Variants in GPC6 observed in about 807,000 individuals in gnomAD.
GPC6 encodes glypican 6.
A neutral mutation model predicts 55.2 loss-of-function variants in GPC6; 14 were observed. The ratio of observed to expected loss-of-function variants is 0.25; its 90% CI spans 0.17 to 0.40. The LOEUF is 0.40. Among genes scored for constraint, GPC6 ranks in the 10% least tolerant of loss-of-function variants. The probability of loss-of-function intolerance (pLI) is 1.00; values close to 1 mark genes in which losing one functional copy is unlikely to be tolerated. For missense variants in GPC6, 641 were observed against 708.5 expected, an observed-to-expected ratio of 0.90 and a Z score of 1.08; for synonymous variants, 278 against 259.6, an observed-to-expected ratio of 1.07 and a Z score of -0.68.
At chr13:94,213,081 G>A (rs547189822) in intron 4 of GPC6, among the ~76,000 whole-genome samples, 4 of 152,214 alleles carry the variant, frequency 2.6e-5, no homozygotes, top group Non-Finnish European at 4.4e-5. Context: ...ACTTGAACCC[G>A]GGAGGCAGAG....
chr13:93,234,230 G>A (rs1876156043), intron 1 of GPC6, among the ~76,000 whole-genome samples: 2 of 152,046 alleles, frequency 1.3e-5, no homozygotes, highest in Admixed American at 6.5e-5. Flanking sequence ...TTTGGGTGGT[G>A]GCCCGTTTGT....
intron 4 of GPC6, among the ~76,000 whole-genome samples, chr13:94,220,261 G>A (rs878916296): frequency 6.6e-5 from 10 of 152,022 alleles, no homozygotes; most frequent in African/African-American, 2.2e-4. Context: ...TCTCACATAC[G>A]TTCCAAGTCC....
intron 4 of GPC6, among the ~76,000 whole-genome samples, chr13:94,226,331 G>C (rs1025230386): frequency 6.6e-6 from 1 of 152,142 alleles, no homozygotes; most frequent in African/African-American, 2.4e-5. Flanking sequence ...GTTACAGTTG[G>C]ATAGGAGGAC....
At chr13:93,586,588 C>T (rs925592439) in intron 2 of GPC6, among the ~76,000 whole-genome samples, 58 of 152,192 alleles carry the variant, frequency 3.8e-4, no homozygotes, top group African/African-American at 1.4e-3. Flanking sequence ...TGGACCCCTT[C>T]CTTACACCAT....
chr13:93,542,273 A>C (rs1256056186), intron 1 of GPC6, among the ~76,000 whole-genome samples: 4 of 152,186 alleles, frequency 2.6e-5, no homozygotes, highest in Non-Finnish European at 1.5e-5. Flanking sequence ...CCATTTACTA[A>C]ATAGGGAATC....
intron 1 of GPC6, among the ~76,000 whole-genome samples, chr13:93,462,652 C>G (rs1200285392): frequency 4.8e-5 from 7 of 146,264 alleles, no homozygotes; most frequent in Non-Finnish European, 1.1e-4. Context: ...AAAAAAACAA[C>G]TAAGGAATAA....
intron 2 of GPC6, among the ~76,000 whole-genome samples, chr13:93,655,138 C>G (rs574738740): frequency 2.6e-5 from 4 of 151,780 alleles, no homozygotes; most frequent in Non-Finnish European, 5.9e-5. Context: ...CGTGAGCCAC[C>G]GCGCCCGGCC....
chr13:94,323,772 A>G (rs1876966736), intron 6 of GPC6, among the ~76,000 whole-genome samples: 1 of 152,224 alleles, frequency 6.6e-6, no homozygotes, highest in Non-Finnish European at 1.5e-5. Context: ...ATTTAAGTAC[A>G]AAGATTTAAA....
intron 2 of GPC6, among the ~76,000 whole-genome samples, chr13:93,783,641 T>C (rs1251983936): frequency 6.6e-6 from 1 of 152,010 alleles, no homozygotes; most frequent in Admixed American, 6.6e-5. Flanking sequence ...TATAATAAAT[T>C]TCCATGGAGC....
At chr13:94,169,954 T>C (rs1220355865) in intron 4 of GPC6, among the ~76,000 whole-genome samples, 1 of 152,134 alleles carries the variant, frequency 6.6e-6, no homozygotes, top group Non-Finnish European at 1.5e-5. Context: ...AGACTGGAAG[T>C]TGGGCAGGCG....
chr13:94,151,682 G>A (rs1887747188), intron 4 of GPC6, among the ~76,000 whole-genome samples: 1 of 152,048 alleles, frequency 6.6e-6, no homozygotes, highest in African/African-American at 2.4e-5. Flanking sequence ...CTTTATCCGA[G>A]GCAATGGTGC....
At chr13:94,091,298 C>T (rs866611249) in intron 4 of GPC6, among the ~76,000 whole-genome samples, 11 of 151,688 alleles carry the variant, frequency 7.3e-5, no homozygotes, top group Admixed American at 5.9e-4. Flanking sequence ...ATTTCTGTAC[C>T]GGGATATAAA....
chr13:93,798,082 A>G (rs1886257626), intron 2 of GPC6, among the ~76,000 whole-genome samples: 1 of 152,108 alleles, frequency 6.6e-6, no homozygotes, highest in South Asian at 2.1e-4. Context: ...TACAAGGGGC[A>G]AGCTAGAGTG....
chr13:93,422,581 C>G (rs1594158762), intron 1 of GPC6, among the ~76,000 whole-genome samples: 2 of 152,058 alleles, frequency 1.3e-5, no homozygotes, highest in East Asian at 3.9e-4. Flanking sequence ...AGTCTTTTTT[C>G]TTTGCGTATA....
At chr13:93,777,346 C>A (rs1432925073) in intron 2 of GPC6, among the ~76,000 whole-genome samples, 1 of 152,176 alleles carries the variant, frequency 6.6e-6, no homozygotes, top group Non-Finnish European at 1.5e-5. Context: ...ATTAACTAAA[C>A]CCAGCTAAGC....
chr13:93,805,402 G>T (rs939623975), intron 2 of GPC6, among the ~76,000 whole-genome samples: 2 of 152,076 alleles, frequency 1.3e-5, no homozygotes, highest in Admixed American at 1.3e-4. Context: ...GATGGGTGGA[G>T]AATAATGAGC....
chr13:93,739,091 G>A (rs1175014038), intron 2 of GPC6, among the ~76,000 whole-genome samples: 6 of 152,096 alleles, frequency 3.9e-5, no homozygotes, highest in Non-Finnish European at 4.4e-5. Context: ...GAGGTCTCCA[G>A]TATCTACAAG....
chr13:93,534,369 A>T (rs1881974338), intron 1 of GPC6, among the ~76,000 whole-genome samples: 1 of 152,162 alleles, frequency 6.6e-6, no homozygotes, highest in African/African-American at 2.4e-5. Flanking sequence ...AGTCTGTGAA[A>T]TGTGACTCAC....
At chr13:93,515,629 T>G (rs1039154509) in intron 1 of GPC6, among the ~76,000 whole-genome samples, 1 of 152,188 alleles carries the variant, frequency 6.6e-6, no homozygotes, top group African/African-American at 2.4e-5. Context: ...TGATTAATTG[T>G]ATGTAAGTCA....
Sources: gnomAD v4.1 joint callset for allele counts (sites outside exome capture counted in the v4.1 genomes callset) on GRCh38, gnomAD v4.1.1 for gene constraint, MANE v1.5 for transcripts, NCBI Gene and HGNC (gene_info 2026-07-23, HGNC 2026-07-21) for gene names.